MSL2: variants seen among roughly 807,000 people sequenced by gnomAD.
MSL2 encodes MSL complex subunit 2, also known as E3 ubiquitin-protein ligase MSL2.
MSL2 carries 2 observed loss-of-function variants against 35.8 expected under a neutral mutation model. The observed-to-expected ratio is 0.06, with a 90% CI of 0.02 to 0.18. MSL2 has a LOEUF of 0.18. Ranked by LOEUF, MSL2 falls within the 10% of genes least tolerant of loss-of-function variation. The probability of loss-of-function intolerance (pLI) is 1.00; values close to 1 mark genes in which losing one functional copy is unlikely to be tolerated. For synonymous variants in MSL2, 296 were observed against 255.7 expected (o/e 1.16, Z -1.50); for missense variants, 523 against 706.7 (o/e 0.74, Z 2.95).
At chr3:136,177,688 A>C (rs1940219030) in intron 1 of MSL2, among the ~76,000 whole-genome samples, 2 of 151,550 alleles carry the variant, frequency 1.3e-5, no homozygotes, top group South Asian at 2.1e-4. Flanking sequence ...CATAAAAAAA[A>C]AAAAAAAAAA....
chr3:136,181,427 T>A (rs988677966), intron 1 of MSL2, among the ~76,000 whole-genome samples: 1 of 152,144 alleles, frequency 6.6e-6, no homozygotes, highest in Non-Finnish European at 1.5e-5. Context: ...TCATTTGACA[T>A]CTCTTCACAT....
At chr3:136,153,396 A>G (rs954334190) in intron 1 of MSL2, among the ~76,000 whole-genome samples, 1 of 152,254 alleles carries the variant, frequency 6.6e-6, no homozygotes. Context: ...TCTTGAGGGC[A>G]TTCATCAGTA....
chr3:136,166,171 T>C (rs888380913), intron 1 of MSL2, among the ~76,000 whole-genome samples: 1 of 151,102 alleles, frequency 6.6e-6, no homozygotes, highest in African/African-American at 2.4e-5. Context: ...GGCGGGTCAC[T>C]TGAGGTCAGG....
chr3:136,166,455 ATT>A (rs1276357077), intron 1 of MSL2, among the ~76,000 whole-genome samples: 1 of 152,082 alleles, frequency 6.6e-6, no homozygotes, highest in African/African-American at 2.4e-5. Context: ...AAAAAAAAAA[ATT>A]TGTTAAGTAA....
intron 1 of MSL2, among the ~76,000 whole-genome samples, chr3:136,155,133 C>T (rs982781005): frequency 3.3e-4 from 50 of 151,484 alleles, no homozygotes; most frequent in African/African-American, 1.2e-3. Flanking sequence ...CGCTTGAACC[C>T]GGGAGGCAGA....
At chr3:136,177,702 A>G (rs1461700758) in intron 1 of MSL2, among the ~76,000 whole-genome samples, 1 of 151,576 alleles carries the variant, frequency 6.6e-6, no homozygotes, top group Non-Finnish European at 1.5e-5. Context: ...AAAAAAAAAA[A>G]AGATGCTACA....
rs1420750851 is a variant in MSL2 at position 136,150,392 on chromosome 3, CAT to C, written c.*753_*754del. ...TTTAAAAAAATTCTGTCACATACTA[CAT>C]AGTCTAAATTTAATTACCTTCAGAA... On this transcript the variant is annotated 3_prime_UTR_variant, in exon 2 of 2. Transcript: ENST00000309993. 6.6e-6 allele frequency: 1 copy of C among 152,578 alleles called. No individual in the cohort carries two copies. The highest frequency in any genetic ancestry group is 1.5e-5 in the Non-Finnish European group (1 of 68,028). The allele number at this position is 152,578 out of a possible 1,614,324, so 9.5% of individuals were successfully genotyped here.
intron 1 of MSL2, among the ~76,000 whole-genome samples, chr3:136,189,010 A>G (rs1212136418): frequency 6.6e-6 from 1 of 151,028 alleles, no homozygotes; most frequent in Non-Finnish European, 1.5e-5. Context: ...CCCAAGTAGA[A>G]GCAAATATTT....
chr3:136,167,284 A>G (rs1939878431), intron 1 of MSL2, among the ~76,000 whole-genome samples: 1 of 152,196 alleles, frequency 6.6e-6, no homozygotes, highest in South Asian at 2.1e-4. Context: ...AATCCCAATG[A>G]AAATTTCAGT....
intron 1 of MSL2, among the ~76,000 whole-genome samples, chr3:136,191,477 A>T (rs1940688916): frequency 1.3e-5 from 2 of 151,906 alleles, no homozygotes; most frequent in South Asian, 4.2e-4. Flanking sequence ...CAAAAAAAAA[A>T]AAAAAAAAGT....
At chr3:136,170,799 A>G (rs1394179594) in intron 1 of MSL2, among the ~76,000 whole-genome samples, 1 of 152,050 alleles carries the variant, frequency 6.6e-6, no homozygotes, top group Non-Finnish European at 1.5e-5. Context: ...CACTGTGCCC[A>G]GCCTGTCCAT....
chr3:136,189,712 A>T (rs1373765652), intron 1 of MSL2, among the ~76,000 whole-genome samples: 3 of 142,662 alleles, frequency 2.1e-5, no homozygotes, highest in Non-Finnish European at 4.6e-5. Context: ...CGACAGCGAG[A>T]CGCCGTCTCA....
intron 1 of MSL2, among the ~76,000 whole-genome samples, chr3:136,160,605 G>C (rs1289606264): frequency 2.6e-5 from 4 of 151,730 alleles, no homozygotes; most frequent in Non-Finnish European, 5.9e-5. Flanking sequence ...AGCTACTCAG[G>C]AGGCTGAGGC....
chr3:136,171,009 G>A (rs1002533546), intron 1 of MSL2, among the ~76,000 whole-genome samples: 7 of 152,124 alleles, frequency 4.6e-5, no homozygotes, highest in African/African-American at 7.2e-5. Context: ...GTTCCATCCC[G>A]AAACATGTCC....
rs140049744 is a variant in MSL2 at position 136,161,895 on chromosome 3, A to G, written c.143-9157T>C. Among the ~76,000 whole-genome samples the G allele has an allele frequency of 5.3e-4, 80 of 152,252 alleles. No individual in the cohort carries two copies. The East Asian group carries it at 0.013, about 25-fold the overall frequency. ...TTAAAGAGTGTCCTTAGCTTCATCT[A>G]AGGAAGGACACAAGGGATAGGAAGG... On this transcript the variant is annotated intron_variant, in intron 1 of 1. Transcript: ENST00000309993.
chr3:136,188,848 T>C (rs991081081), intron 1 of MSL2, among the ~76,000 whole-genome samples: 5 of 151,826 alleles, frequency 3.3e-5, no homozygotes, highest in African/African-American at 1.2e-4. Flanking sequence ...AGTACCATAC[T>C]GCCTGCCTTG....
chr3:136,192,454 C>G (rs1243554667), intron 1 of MSL2, among the ~76,000 whole-genome samples: 2 of 152,150 alleles, frequency 1.3e-5, no homozygotes, highest in Non-Finnish European at 1.5e-5. Flanking sequence ...GCTGGGATTA[C>G]AGGCACCTGG....
intron 1 of MSL2, among the ~76,000 whole-genome samples, chr3:136,159,359 T>TTC (rs1478244877): frequency 8.0e-6 from 1 of 124,892 alleles, no homozygotes; most frequent in African/African-American, 3.2e-5. Flanking sequence ...ACTTTCTTTT[T>TTC]TTTTTTTTTT....
At chr3:136,163,621 AAAGAC>A (rs1330863257) in intron 1 of MSL2, among the ~76,000 whole-genome samples, 1 of 152,246 alleles carries the variant, frequency 6.6e-6, no homozygotes, top group African/African-American at 2.4e-5. Flanking sequence ...CCCACTGGCC[AAAGAC>A]AAGAAAATCT....
Sources: allele counts gnomAD v4.1 joint callset (sites outside exome capture counted in the v4.1 genomes callset), GRCh38; gene constraint gnomAD v4.1.1; transcripts MANE v1.5; gene names NCBI Gene and HGNC (gene_info 2026-07-23, HGNC 2026-07-21).